MGAT5: variants seen among roughly 807,000 people sequenced by gnomAD.
MGAT5 encodes the protein alpha-1,6-mannosylglycoprotein 6-beta-N-acetylglucosaminyltransferase, also known as alpha-1,6-mannosylglycoprotein 6-beta-N-acetylglucosaminyltransferase A.
In MGAT5, 30 loss-of-function variants were observed where a neutral mutation model predicts 94.3. The observed-to-expected ratio is 0.32, with a 90% CI of 0.24 to 0.43. The LOEUF (loss-of-function observed/expected upper bound fraction) is 0.43, where lower values mean the gene tolerates loss of function less well. Among genes scored for constraint, MGAT5 ranks in the 20% least tolerant of loss-of-function variants. The pLI is 1.00. For missense variants in MGAT5, 691 were observed against 905.5 expected, an observed-to-expected ratio of 0.76 and a Z score of 3.04; for synonymous variants, 310 against 322.9, an observed-to-expected ratio of 0.96 and a Z score of 0.43.
rs2106378773 is a variant in MGAT5 at position 134,428,541 on chromosome 2, A to G, written c.1869+102A>G. Reference sequence around the variant, plus strand: ...AAGAGCTCACTGTGTTTCTGTGGCTATTTTCCTGCTTTGGGAGACTCTAGA... The same window carrying G: ...AAGAGCTCACTGTGTTTCTGTGGCTGTTTTCCTGCTTTGGGAGACTCTAGA... On this transcript the variant is annotated intron_variant, in intron 14 of 15. Coordinates refer to ENST00000281923, the MANE Select transcript of MGAT5 (RefSeq NM_002410.5). 12 of 1,071,090 alleles carry G rather than the reference A, an allele frequency of 1.1e-5. 1 individual carries two copies. In the South Asian group the frequency reaches 1.2e-4, roughly 11 times the overall value. 66.3% of individuals were successfully genotyped at this position (1,071,090 alleles called of 1,614,324 possible).
intron 9 of MGAT5, 31 bp downstream of exon 9, chr2:134,349,969 A>T: frequency 6.2e-7 from 1 of 1,611,194 alleles, no homozygotes; most frequent in Non-Finnish European, 8.5e-7. Context: ...TATGCTTTCC[A>T]GAATGCCACC....
At chr2:134,170,833 A>T (rs1314737408) in intron 1 of MGAT5, among the ~76,000 whole-genome samples, 3 of 151,386 alleles carry the variant, frequency 2.0e-5, no homozygotes, top group Admixed American at 1.3e-4. Context: ...TCAGAAGCAC[A>T]TAGTAGATAT....
chr2:134,285,968 T>C (rs1684975830), intron 2 of MGAT5, among the ~76,000 whole-genome samples: 2 of 152,230 alleles, frequency 1.3e-5, no homozygotes, highest in Non-Finnish European at 2.9e-5. Context: ...TGATAGTAAA[T>C]TGCCATTCTG....
At chr2:134,398,719 C>T (rs1682857121) in intron 10 of MGAT5, among the ~76,000 whole-genome samples, 1 of 145,114 alleles carries the variant, frequency 6.9e-6, no homozygotes, top group Non-Finnish European at 1.5e-5. Context: ...AAAATATGTA[C>T]ATAATGGAAT....
At chr2:134,320,308 CT>C (rs1687241500) in intron 4 of MGAT5, among the ~76,000 whole-genome samples, 1 of 152,052 alleles carries the variant, frequency 6.6e-6, no homozygotes. Context: ...ATTTACGTTC[CT>C]TTTTTCCCTA....
chr2:134,257,160 G>A (rs887863115), intron 1 of MGAT5, among the ~76,000 whole-genome samples: 8 of 152,192 alleles, frequency 5.3e-5, no homozygotes, highest in Non-Finnish European at 1.2e-4. Context: ...ACTGTACTAA[G>A]AGTGGAAGCC....
chr2:134,340,232 C>T (rs1228715834), intron 6 of MGAT5, among the ~76,000 whole-genome samples: 2 of 152,158 alleles, frequency 1.3e-5, no homozygotes, highest in Non-Finnish European at 2.9e-5. Context: ...ACTTTAGTCT[C>T]TAAATGCTGT....
chr2:134,327,026 G>A (rs185277286), intron 4 of MGAT5, among the ~76,000 whole-genome samples: 257 of 152,210 alleles, frequency 1.7e-3, no homozygotes, highest in African/African-American at 6.0e-3. Flanking sequence ...CACGTACAAT[G>A]ATGTCTGGCA....
At chr2:134,333,441 G>A (rs1313584080) in intron 4 of MGAT5, among the ~76,000 whole-genome samples, 6 of 112,704 alleles carry the variant, frequency 5.3e-5, no homozygotes, top group African/African-American at 2.0e-4. Context: ...TTGTGGGGTG[G>A]GGGGAGGGGG....
Position 134,209,152 on chromosome 2 carries a change from ATTTT to A in MGAT5, c.-142-45096_-142-45093del, listed in dbSNP as rs869116395. 3.4e-4 allele frequency among the ~76,000 whole-genome samples: 7 copies of A among 20,780 alleles called. 3 individuals carry two copies. The highest frequency in any genetic ancestry group is 4.5e-4 in the Non-Finnish European group (7 of 15,570). 13.6% of individuals were successfully genotyped at this position (20,780 alleles called of 152,430 possible). On this transcript the variant is annotated intron_variant, in intron 1 of 16. Transcript: ENST00000409645. ...TATAGAACTGGCTTATTTTTTTTTT[ATTTT>A]TTTTTTTTTTTTTATTTTTTTTTTT...
In MGAT5 at chr2:134,276,176, G is replaced by A. The variant is rs183887259; in HGVS notation, c.406+5626G>A. On this transcript the variant is annotated intron_variant, in intron 2 of 15. Coordinates refer to ENST00000281923, the MANE Select transcript of MGAT5 (RefSeq NM_002410.5). ...ACAAGCCCCCCCACCCCCGCCGCCCGCCAATCTCCACCTCATTTAGCTTTG... is the reference window on the plus strand; with the variant it reads ...ACAAGCCCCCCCACCCCCGCCGCCCACCAATCTCCACCTCATTTAGCTTTG... Among the ~76,000 whole-genome samples, 251 of 52,374 alleles carry A rather than the reference G, an allele frequency of 4.8e-3. 4 individuals carry two copies. Among genetic ancestry groups the A allele is most frequent in the East Asian group, 0.043 (76 of 1,784 alleles). 34.4% of individuals were successfully genotyped at this position (52,374 alleles called of 152,430 possible).
At position 134,362,341 on chromosome 2, in the gene MGAT5, A is replaced by G. The variant is rs755347051; in HGVS notation, c.1313A>G (p.His438Arg). ...VEQHLNSSDI[H>R]HINEIKRQNQ... ...CAGCACCTGAACTCCAGTGATATCCACCACATTAATGAAATCAAAAGGCAG... is the reference window on the plus strand; with the variant it reads ...CAGCACCTGAACTCCAGTGATATCCGCCACATTAATGAAATCAAAAGGCAG... Residue 438 changes from histidine to arginine, a missense_variant, in exon 10 of 16, where the codon CAC becomes CGC. Around this residue, in one of 4 missense-constraint regions of MGAT5, gnomAD observed 121 missense variants for 206.1 expected, o/e 0.59. Coordinates refer to ENST00000281923, the MANE Select transcript of MGAT5 (RefSeq NM_002410.5). The G allele has an allele frequency of 1.2e-6, 2 of 1,614,120 alleles. No individual in the cohort carries two copies. Among genetic ancestry groups the G allele is most frequent in the Non-Finnish European group, 1.7e-6 (2 of 1,179,974 alleles).
rs535964403 is a variant in MGAT5 at position 134,338,522 on chromosome 2, A to G, written c.807+102A>G. ...AGAGAAATGTCATATCTCAAATGATATTCTCTCAGGGTGAATCTGCTCAGT... is the reference window on the plus strand; with the variant it reads ...AGAGAAATGTCATATCTCAAATGATGTTCTCTCAGGGTGAATCTGCTCAGT... On this transcript the variant is annotated intron_variant, in intron 6 of 15. Coordinates refer to ENST00000281923, the MANE Select transcript of MGAT5 (RefSeq NM_002410.5). The G allele has an allele frequency of 8.4e-6, 11 of 1,311,386 alleles. No homozygotes were observed. The African/African-American group carries it at 1.5e-4, about 18-fold the overall frequency. The allele number at this position is 1,311,386 out of a possible 1,614,324, so 81.2% of individuals were successfully genotyped here.
chr2:134,362,214 G>A lies in MGAT5; in HGVS notation c.1247-61G>A. ...GTAAGATGGCCTGTGTTAAATATGTGATTGTTATTTCTTCTTGCTGATTGG... is the reference window on the plus strand; with the variant it reads ...GTAAGATGGCCTGTGTTAAATATGTAATTGTTATTTCTTCTTGCTGATTGG... On this transcript the variant is annotated intron_variant, in intron 9 of 15. Transcript: ENST00000281923. 4.4e-6 allele frequency: 7 copies of A among 1,576,038 alleles called. No homozygotes were observed. In the South Asian group the frequency reaches 5.9e-5, roughly 13 times the overall value.
chr2:134,423,118 G>A (rs924571777), intron 13 of MGAT5, among the ~76,000 whole-genome samples, 199 bp downstream of exon 13: 3 of 152,194 alleles, frequency 2.0e-5, no homozygotes, highest in African/African-American at 4.8e-5. Context: ...CTGGTATCCC[G>A]ATGTGGGCAT....
chr2:134,232,829 G>T (rs191299238), intron 1 of MGAT5, among the ~76,000 whole-genome samples: 2 of 152,140 alleles, frequency 1.3e-5, no homozygotes, highest in Non-Finnish European at 2.9e-5. Context: ...GGTTGTTATG[G>T]TGTGTTATGG....
At chr2:134,238,941 T>C (rs1021864914) in intron 1 of MGAT5, among the ~76,000 whole-genome samples, 3 of 152,212 alleles carry the variant, frequency 2.0e-5, no homozygotes, top group African/African-American at 7.2e-5. Flanking sequence ...AGTGAAACTC[T>C]GTCTCAAAAA....
At chr2:134,402,397 A>T (rs1388004783) in intron 10 of MGAT5, among the ~76,000 whole-genome samples, 1 of 152,194 alleles carries the variant, frequency 6.6e-6, no homozygotes, top group Non-Finnish European at 1.5e-5. Context: ...CTACCTGAGT[A>T]TTCTCATTAT....
intron 2 of MGAT5, among the ~76,000 whole-genome samples, chr2:134,307,506 G>GC (rs1686400394): frequency 6.6e-6 from 1 of 151,876 alleles, no homozygotes; most frequent in Non-Finnish European, 1.5e-5. Context: ...CTGAAACTCC[G>GC]CAAGTGTTTT....
Sources: gnomAD v4.1 joint callset for allele counts (sites outside exome capture counted in the v4.1 genomes callset) on GRCh38, gnomAD v4.1.1 for gene constraint, gnomAD v4.1.1 regional missense constraint, MANE v1.5 for transcripts, NCBI Gene and HGNC (gene_info 2026-07-23, HGNC 2026-07-21) for gene names.